Variants in KCNIP1 observed in about 807,000 individuals in gnomAD.
KCNIP1 encodes the protein A-type potassium channel modulatory protein KCNIP1.
KCNIP1 carries 18 observed loss-of-function variants against 33.0 expected under a neutral mutation model. The ratio of observed to expected loss-of-function variants is 0.55; its 90% confidence interval spans 0.38 to 0.81. KCNIP1 has a LOEUF of 0.81. Ranked by LOEUF, KCNIP1 falls within the 30% of genes least tolerant of loss-of-function variation. The pLI is 0.00. For synonymous variants in KCNIP1, 93 were observed against 98.3 expected (o/e 0.95, Z 0.32); for missense variants, 238 against 271.6 (o/e 0.88, Z 0.87).
intron 1 of KCNIP1, among the ~76,000 whole-genome samples, chr5:170,480,903 C>T (rs1756963250): frequency 6.6e-6 from 1 of 152,032 alleles, no homozygotes; most frequent in Non-Finnish European, 1.5e-5. Flanking sequence ...TCACTCTTTC[C>T]TTCTTACAAG....
At chr5:170,603,903 C>G (rs1398338167) in intron 1 of KCNIP1, among the ~76,000 whole-genome samples, 1 of 133,650 alleles carries the variant, frequency 7.5e-6, no homozygotes, top group African/African-American at 2.5e-5. Flanking sequence ...TCAGGAAAAC[C>G]ACTGTCTTCA....
intron 1 of KCNIP1, among the ~76,000 whole-genome samples, chr5:170,414,639 A>G (rs1755280076): frequency 6.6e-6 from 1 of 152,188 alleles, no homozygotes; most frequent in Admixed American, 6.5e-5. Flanking sequence ...ACTCTTTCAA[A>G]TTTAATTCTG....
At chr5:170,469,722 G>T (rs1756681409) in intron 1 of KCNIP1, among the ~76,000 whole-genome samples, 1 of 152,166 alleles carries the variant, frequency 6.6e-6, no homozygotes, top group African/African-American at 2.4e-5. Flanking sequence ...TTGCTGCATT[G>T]CAAAGCCACC....
At chr5:170,661,792 T>C (rs1761502990) in intron 1 of KCNIP1, among the ~76,000 whole-genome samples, 1 of 152,206 alleles carries the variant, frequency 6.6e-6, no homozygotes, top group East Asian at 1.9e-4. Flanking sequence ...AAATATATAT[T>C]AGATATCGAT....
At chr5:170,395,604 TGTA>T (rs1350472208) in intron 1 of KCNIP1, among the ~76,000 whole-genome samples, 2 of 152,222 alleles carry the variant, frequency 1.3e-5, no homozygotes, top group African/African-American at 4.8e-5. Flanking sequence ...TAAGGGAGAC[TGTA>T]TCTATAAGCA....
At chr5:170,474,230 C>A (rs537348227) in intron 1 of KCNIP1, among the ~76,000 whole-genome samples, 3 of 152,216 alleles carry the variant, frequency 2.0e-5, no homozygotes, top group Middle Eastern at 3.4e-3. Context: ...ACGAGACAAC[C>A]TTTACTTATC....
At chr5:170,473,232 C>A (rs1365812807) in intron 1 of KCNIP1, among the ~76,000 whole-genome samples, 1 of 151,986 alleles carries the variant, frequency 6.6e-6, no homozygotes, top group African/African-American at 2.4e-5. Context: ...ATATCTTTTT[C>A]TGAGAATTGT....
At chr5:170,618,537 A>AAGGAGGG (rs1381214814) in intron 1 of KCNIP1, among the ~76,000 whole-genome samples, 1 of 29,658 alleles carries the variant, frequency 3.4e-5, no homozygotes, top group Non-Finnish European at 6.2e-5. Context: ...GGAGGGAGGA[A>AAGGAGGG]AGGAGGGAGG....
chr5:170,367,405 GAAAGAAA>G (rs1295431354), intron 1 of KCNIP1, among the ~76,000 whole-genome samples: 5 of 116,866 alleles, frequency 4.3e-5, no homozygotes, highest in Admixed American at 8.7e-5. Context: ...AAGAAAGAAA[GAAAGAAA>G]GAAAGAAAGG....
At chr5:170,578,907 G>C (rs1757695619) in intron 1 of KCNIP1, among the ~76,000 whole-genome samples, 1 of 152,188 alleles carries the variant, frequency 6.6e-6, no homozygotes, top group South Asian at 2.1e-4. Flanking sequence ...AGAAGGAATA[G>C]CAAGAGGGAG....
chr5:170,420,544 A>AAAT (rs1554091202), intron 1 of KCNIP1: 7 of 151,950 alleles, frequency 4.6e-5, no homozygotes, highest in African/African-American at 9.7e-5. Flanking sequence ...AAAAAAAAAA[A>AAAT]AAATAAAAAG....
chr5:170,534,143 G>A (rs949446221), intron 1 of KCNIP1, among the ~76,000 whole-genome samples: 6 of 152,150 alleles, frequency 3.9e-5, no homozygotes, highest in Non-Finnish European at 7.3e-5. Context: ...CTCTAGGAGG[G>A]GCCAAACAGG....
chr5:170,378,935 C>T (rs200802497), intron 1 of KCNIP1: 384 of 1,613,988 alleles, frequency 2.4e-4, no homozygotes, highest in Non-Finnish European at 3.0e-4. Context: ...CGGCCCGGGC[C>T]GTCTGGTAAT....
intron 1 of KCNIP1, among the ~76,000 whole-genome samples, chr5:170,521,163 G>A (rs1755350838): frequency 6.6e-6 from 1 of 152,172 alleles, no homozygotes; most frequent in Admixed American, 6.5e-5. Flanking sequence ...CCTGGCATGT[G>A]CTATCCCTCC....
chr5:170,468,598 A>C (rs1464956478), intron 1 of KCNIP1, among the ~76,000 whole-genome samples: 1 of 152,186 alleles, frequency 6.6e-6, no homozygotes, highest in Admixed American at 6.5e-5. Context: ...AAATATCATT[A>C]GGCCAGGTGC....
chr5:170,399,836 C>G (rs930954357), intron 1 of KCNIP1, among the ~76,000 whole-genome samples: 3 of 152,210 alleles, frequency 2.0e-5, no homozygotes, highest in African/African-American at 7.2e-5. Flanking sequence ...CTATTATAAA[C>G]TACTCTCCAG....
intron 1 of KCNIP1, among the ~76,000 whole-genome samples, chr5:170,713,886 T>C (rs952158087): frequency 6.6e-6 from 1 of 151,980 alleles, no homozygotes; most frequent in African/African-American, 2.4e-5. Context: ...TAGCCGGGCA[T>C]GGTGGGGCAC....
At chr5:170,663,055 A>G (rs954673975) in intron 1 of KCNIP1, among the ~76,000 whole-genome samples, 1 of 152,106 alleles carries the variant, frequency 6.6e-6, no homozygotes, top group Non-Finnish European at 1.5e-5. Flanking sequence ...TGAACCAGGC[A>G]TGGGGGATGG....
chr5:170,490,137 C>T (rs1274785867), intron 1 of KCNIP1, among the ~76,000 whole-genome samples: 4 of 152,224 alleles, frequency 2.6e-5, no homozygotes, highest in East Asian at 1.9e-4. Flanking sequence ...CCATGAGAAG[C>T]GCTGTGTGAC....
Sources: allele counts gnomAD v4.1 joint callset (sites outside exome capture counted in the v4.1 genomes callset), GRCh38; gene constraint gnomAD v4.1.1; transcripts MANE v1.5; gene names NCBI Gene and HGNC (gene_info 2026-07-23, HGNC 2026-07-21).